MGAT5B: variants seen among roughly 807,000 people sequenced by gnomAD.
MGAT5B encodes the protein N-acetylglucosaminyl-transferase Vb.
In MGAT5B, 54 loss-of-function variants were observed where a neutral mutation model predicts 95.1. That is an observed-to-expected ratio of 0.57 (90% confidence interval 0.46 to 0.71). The LOEUF is 0.71. MGAT5B is among the 30% of genes least tolerant of loss of function. The pLI is 0.00. For missense variants in MGAT5B, 935 were observed against 1,088.6 expected, an observed-to-expected ratio of 0.86 and a Z score of 1.99; for synonymous variants, 464 against 451.0, an observed-to-expected ratio of 1.03 and a Z score of -0.36.
chr17:76,922,496 T>C (rs552117847), intron 8 of MGAT5B, among the ~76,000 whole-genome samples: 1 of 152,346 alleles, frequency 6.6e-6, no homozygotes, highest in South Asian at 2.1e-4. Flanking sequence ...AGAAAGTCCA[T>C]GCTTCACAGG....
chr17:76,882,272 C>T lies in MGAT5B; in HGVS notation c.303C>T (p.Gly101=), dbSNP rs1457519024. The part of the protein sequence containing the change: ...LENSSELHRA[G]GDLHFPADRM... ...ACAGCAGTGAGCTGCACCGGGCCGG[C>T]GGCGACCTGCACTTTCCCGCAGACA... The change falls in exon 3 of 18, where the codon GGC becomes GGT. Residue 101 remains glycine, a synonymous_variant. Coordinates refer to ENST00000569840, the MANE Select transcript of MGAT5B (RefSeq NM_001199172.2). 3 of 1,612,378 alleles carry T rather than the reference C, an allele frequency of 1.9e-6. No individual in the cohort carries two copies. The highest frequency in any genetic ancestry group is 1.3e-5 in the African/African-American group (1 of 74,902).
intron 3 of MGAT5B, among the ~76,000 whole-genome samples, chr17:76,897,002 T>A (rs1010997797): frequency 1.3e-5 from 2 of 152,134 alleles, no homozygotes; most frequent in Non-Finnish European, 2.9e-5. Context: ...CACTGCAGCC[T>A]GGACCTCACG....
intron 15 of MGAT5B, among the ~76,000 whole-genome samples, chr17:76,942,051 AG>A (rs2145280695): frequency 1.3e-5 from 2 of 152,190 alleles, no homozygotes; most frequent in East Asian, 1.9e-4. Flanking sequence ...CCGGTGACGG[AG>A]GGTGGGGCGC....
At chr17:76,910,433 T>C (rs951462171) in intron 8 of MGAT5B, among the ~76,000 whole-genome samples, 3 of 152,210 alleles carry the variant, frequency 2.0e-5, no homozygotes, top group Admixed American at 6.5e-5. Context: ...TACACGTGCA[T>C]ATCCACCACA....
rs1387309027 is a variant in MGAT5B, at chr17:76,915,708, C to G, written c.1026-9258C>G. On this transcript the variant is annotated intron_variant, in intron 8 of 17. Coordinates refer to ENST00000569840, the MANE Select transcript of MGAT5B (RefSeq NM_001199172.2). The surrounding 1 kb of genome is among the most constrained non-coding windows in gnomAD (Gnocchi z 8.7). Reference sequence around the variant, plus strand: ...GCACCTAGACTTGTGAATGGCAGCTCTCCTGCATCACCCTCCCCGTTCCAA... The same window carrying G: ...GCACCTAGACTTGTGAATGGCAGCTGTCCTGCATCACCCTCCCCGTTCCAA... 6.6e-6 allele frequency among the ~76,000 whole-genome samples: 1 copy of G among 152,244 alleles called. No homozygotes were observed. The highest frequency in any genetic ancestry group is 1.9e-4 in the East Asian group (1 of 5,196).
chr17:76,903,245 T>A (rs1285521771), intron 4 of MGAT5B, 58 bp from the exon 5 acceptor site: 1 of 1,404,242 alleles, frequency 7.1e-7, no homozygotes. Context: ...CACGCAGGCC[T>A]CCCTCCCTGG....
At chr17:76,937,758 T>C (rs910105606) in intron 12 of MGAT5B, among the ~76,000 whole-genome samples, 7 of 152,302 alleles carry the variant, frequency 4.6e-5, no homozygotes, top group South Asian at 2.1e-4. Context: ...AAGAAAACAG[T>C]TTCATGGCTA....
In MGAT5B at chr17:76,915,561, T is replaced by C. The variant is rs11077875; in HGVS notation, c.1025+9374T>C. On this transcript the variant is annotated intron_variant, in intron 8 of 17. Coordinates refer to ENST00000569840, the MANE Select transcript of MGAT5B (RefSeq NM_001199172.2). The surrounding 1 kb of genome is among the most constrained non-coding windows in gnomAD (Gnocchi z 8.7). ...AATATGGCAAAATGTTAAGGCTTGA[T>C]GAGGCTGGGAAGTGGGCGCATTGGA... 0.99 allele frequency among the ~76,000 whole-genome samples: 151,287 copies of C among 152,284 alleles called. 75,151 individuals carry two copies. The highest frequency in any genetic ancestry group is 1 in the Middle Eastern group (294 of 294).
rs1967784446 is a variant in MGAT5B at position 76,889,323 on chromosome 17, C to G, written c.329+7025C>G. Among the ~76,000 whole-genome samples, 2 of 152,098 alleles carry G rather than the reference C, an allele frequency of 1.3e-5. No homozygotes were observed. Among genetic ancestry groups the G allele is most frequent in the South Asian group, 4.1e-4 (2 of 4,830 alleles). ...GGAGGTGACTGAGCCCACGGGAGGTCACTGTGATGGGTTTGGGCCCACCAA... is the reference window on the plus strand; with the variant it reads ...GGAGGTGACTGAGCCCACGGGAGGTGACTGTGATGGGTTTGGGCCCACCAA... On this transcript the variant is annotated intron_variant, in intron 3 of 17. Transcript: ENST00000569840. This position sits in a 1 kb window ranked among gnomAD's most constrained non-coding sequence, Gnocchi z 4.4.
chr17:76,940,819 G>A lies in MGAT5B; in HGVS notation c.1819G>A (p.Ala607Thr). 1 of 1,614,112 alleles carries A rather than the reference G, an allele frequency of 6.2e-7. No individual in the cohort carries two copies. The highest frequency in any genetic ancestry group is 1.1e-5 in the South Asian group (1 of 91,080). ...VDYNNSEEFE[A>T]AIKAIMRTQV... The stretch of plus-strand genomic sequence containing the variant: ...CTACAACAACTCAGAGGAGTTTGAA[G>A]CAGCCATCAAGGCCATTATGAGAAC... Residue 607 changes from alanine to threonine, a missense_variant, in exon 15 of 18, where the codon GCA becomes ACA. Around this residue, in one of 4 missense-constraint regions of MGAT5B, gnomAD observed 440 missense variants for 523.6 expected, o/e 0.84. Coordinates refer to ENST00000569840, the MANE Select transcript of MGAT5B (RefSeq NM_001199172.2). The surrounding 1 kb of genome is among the most constrained non-coding windows in gnomAD (Gnocchi z 4.3).
rs1182545505 is a variant in MGAT5B, at chr17:76,914,172, T to G, written c.1025+7985T>G. The stretch of plus-strand genomic sequence containing the variant: ...GAAGGAGAGAGAGAAAGAAAGAGAA[T>G]TTGGCCACAAAGATGTCATTGCTGA... On this transcript the variant is annotated intron_variant, in intron 8 of 17. Coordinates refer to ENST00000569840, the MANE Select transcript of MGAT5B (RefSeq NM_001199172.2). The surrounding 1 kb of genome is among the most constrained non-coding windows in gnomAD (Gnocchi z 5.1). 1.1e-5 allele frequency: 2 copies of G among 182,588 alleles called. No homozygotes were observed. The highest frequency in any genetic ancestry group is 1.5e-4 in the East Asian group (1 of 6,680). 11.3% of individuals were successfully genotyped at this position (182,588 alleles called of 1,614,324 possible).
intron 15 of MGAT5B, chr17:76,944,339 C>T (rs900341663): frequency 2.6e-5 from 4 of 152,244 alleles, no homozygotes; most frequent in African/African-American, 9.7e-5. Flanking sequence ...AAGAGTAACT[C>T]AGAGATTTGC....
Position 76,947,127 on chromosome 17 carries a change from C to T in MGAT5B, c.1923+677C>T, listed in dbSNP as rs1306668544. Among the ~76,000 whole-genome samples, 5 of 152,216 alleles carry T rather than the reference C, an allele frequency of 3.3e-5. No individual in the cohort carries two copies. In the East Asian group the frequency reaches 9.6e-4, roughly 29 times the overall value. On this transcript the variant is annotated intron_variant, in intron 16 of 17. Coordinates refer to ENST00000569840, the MANE Select transcript of MGAT5B (RefSeq NM_001199172.2). The stretch of plus-strand genomic sequence containing the variant: ...CGTGGCTCTGCAGGCCCCGGGTGTC[C>T]AGGGTGATGCCTGGGGTGGGCCTTG...
intron 8 of MGAT5B, among the ~76,000 whole-genome samples, chr17:76,910,120 C>T (rs1968680455): frequency 6.6e-6 from 1 of 152,202 alleles, no homozygotes; most frequent in Non-Finnish European, 1.5e-5. Flanking sequence ...CCCACAGATA[C>T]TCCCAATGCT....
intron 15 of MGAT5B, among the ~76,000 whole-genome samples, chr17:76,942,338 G>A (rs1344770248): frequency 6.6e-6 from 1 of 152,174 alleles, no homozygotes; most frequent in Non-Finnish European, 1.5e-5. Context: ...GAGCAGCCTG[G>A]CCAACATGGT....
chr17:76,935,909 A>G (rs1474727829), intron 12 of MGAT5B, among the ~76,000 whole-genome samples: 2 of 139,826 alleles, frequency 1.4e-5, no homozygotes, highest in Admixed American at 7.8e-5. Flanking sequence ...TATACATTAT[A>G]TATATTATAT....
At chr17:76,939,312 A>T (rs1969789261) in intron 13 of MGAT5B, among the ~76,000 whole-genome samples, 1 of 152,010 alleles carries the variant, frequency 6.6e-6, no homozygotes, top group Non-Finnish European at 1.5e-5. Context: ...ATCCTGGCCA[A>T]CATGGTGAAA....
intron 1 of MGAT5B, among the ~76,000 whole-genome samples, chr17:76,871,332 G>C (rs1402448637): frequency 6.6e-6 from 1 of 152,184 alleles, no homozygotes; most frequent in Non-Finnish European, 1.5e-5. Flanking sequence ...GGAATTCCGT[G>C]AGGCGTCCCT....
At chr17:76,882,434 A>C (rs1344888721) in intron 3 of MGAT5B, 136 bp downstream of exon 3, 4 of 1,033,608 alleles carry the variant, frequency 3.9e-6, no homozygotes, top group Non-Finnish European at 5.2e-6. Flanking sequence ...CCCAGAGTGC[A>C]TTTCTACCAC....
Sources: allele counts gnomAD v4.1 joint callset (sites outside exome capture counted in the v4.1 genomes callset), GRCh38; gene constraint gnomAD v4.1.1; regional missense constraint gnomAD v4.1.1; non-coding constraint Gnocchi (gnomAD v3.1); transcripts MANE v1.5; gene names NCBI Gene and HGNC (gene_info 2026-07-23, HGNC 2026-07-21).